Variants in ROBO2 observed in about 807,000 individuals in gnomAD.
ROBO2 encodes roundabout homolog 2.
Under a neutral mutation model 160.8 loss-of-function variants are expected in ROBO2, and 53 were observed. The ratio of observed to expected loss-of-function variants is 0.33; its 90% CI spans 0.26 to 0.41. ROBO2 has a LOEUF of 0.41. Ranked by LOEUF, ROBO2 falls within the 10% of genes least tolerant of loss-of-function variation. ROBO2 has a pLI of 1.00. For synonymous variants in ROBO2, 664 were observed against 611.7 expected, an observed-to-expected ratio of 1.09 and a Z score of -1.26; for missense variants, 1,577 against 1,722.4, an observed-to-expected ratio of 0.92 and a Z score of 1.49.
intron 2 of ROBO2, among the ~76,000 whole-genome samples, chr3:76,388,526 C>T (rs1394847389): frequency 6.6e-6 from 1 of 152,116 alleles, no homozygotes; most frequent in African/African-American, 2.4e-5. Context: ...CCACCTCAGC[C>T]TCTCAAAGTG....
intron 2 of ROBO2, among the ~76,000 whole-genome samples, chr3:76,922,753 G>C (rs981484476): frequency 8.5e-5 from 13 of 152,208 alleles, no homozygotes; most frequent in African/African-American, 3.1e-4. Context: ...CGATTGTGAT[G>C]GATTGGCTCT....
intron 2 of ROBO2, among the ~76,000 whole-genome samples, chr3:76,538,459 A>G (rs73129114): frequency 0.047 from 7,208 of 152,264 alleles, 200 homozygotes; most frequent in African/African-American, 0.076. Context: ...AATCATTTAC[A>G]TCTTGAAAGC....
intron 2 of ROBO2, among the ~76,000 whole-genome samples, chr3:77,289,612 G>T (rs1200610077): frequency 6.7e-6 from 1 of 149,734 alleles, no homozygotes; most frequent in East Asian, 2.0e-4. Context: ...TAAAATTGAC[G>T]GTTAAACGGG....
At chr3:76,330,794 A>G (rs2073425470) in intron 2 of ROBO2, among the ~76,000 whole-genome samples, 1 of 149,816 alleles carries the variant, frequency 6.7e-6, no homozygotes, top group African/African-American at 2.5e-5. Context: ...TTTGGGCTTA[A>G]TAAATGGTCC....
At chr3:76,370,896 T>G (rs1559837502) in intron 2 of ROBO2, among the ~76,000 whole-genome samples, 2 of 151,912 alleles carry the variant, frequency 1.3e-5, no homozygotes, top group Non-Finnish European at 2.9e-5. Flanking sequence ...CGGACTCATA[T>G]GTCATTTCCT....
intron 2 of ROBO2, among the ~76,000 whole-genome samples, chr3:76,642,680 T>A (rs1055813472): frequency 1.3e-5 from 2 of 152,060 alleles, no homozygotes; most frequent in African/African-American, 4.8e-5. Context: ...TGTTTTGACA[T>A]GCTGGGTACT....
chr3:77,520,529 T>C (rs2090487228), intron 5 of ROBO2, among the ~76,000 whole-genome samples: 1 of 151,254 alleles, frequency 6.6e-6, no homozygotes, highest in South Asian at 2.1e-4. Context: ...TATCTTTTAT[T>C]AACTTGGAAT....
intron 25 of ROBO2, 92 bp downstream of exon 27, chr3:77,644,996 G>T (rs2095397996): frequency 3.1e-6 from 4 of 1,306,648 alleles, no homozygotes; most frequent in Non-Finnish European, 4.4e-6. Flanking sequence ...CAGATTAATA[G>T]AAAACTTGCT....
At chr3:77,072,670 A>G (rs1322534449) in intron 1 of ROBO2, among the ~76,000 whole-genome samples, 1 of 152,200 alleles carries the variant, frequency 6.6e-6, no homozygotes, top group Non-Finnish European at 1.5e-5. Context: ...ACAATGGGAT[A>G]GTAACCTCCT....
At chr3:76,031,960 C>A (rs1278555191) in intron 2 of ROBO2, among the ~76,000 whole-genome samples, 1 of 151,962 alleles carries the variant, frequency 6.6e-6, no homozygotes, top group Non-Finnish European at 1.5e-5. Flanking sequence ...CTCTTTGTAC[C>A]TCTGGTAGAA....
intron 2 of ROBO2, among the ~76,000 whole-genome samples, chr3:76,446,403 G>C (rs1374448352): frequency 6.6e-6 from 1 of 152,122 alleles, no homozygotes; most frequent in African/African-American, 2.4e-5. Flanking sequence ...ACACAAACAA[G>C]TGGAAGAACA....
chr3:76,021,197 A>G (rs1559840243), intron 2 of ROBO2, among the ~76,000 whole-genome samples: 1 of 151,802 alleles, frequency 6.6e-6, no homozygotes, highest in African/African-American at 2.4e-5. Context: ...AGTCCAAAAT[A>G]TTGCCTAGAT....
intron 2 of ROBO2, among the ~76,000 whole-genome samples, chr3:76,448,832 A>G (rs939899170): frequency 2.6e-5 from 4 of 152,146 alleles, no homozygotes; most frequent in South Asian, 2.1e-4. Flanking sequence ...ACTTCAGGGT[A>G]AAGTACCCAC....
At chr3:76,977,945 G>A (rs991487321) in intron 2 of ROBO2, among the ~76,000 whole-genome samples, 1 of 152,098 alleles carries the variant, frequency 6.6e-6, no homozygotes, top group African/African-American at 2.4e-5. Context: ...TTTATACTTT[G>A]AAGTAATCCT....
chr3:76,720,226 C>T (rs572610139), intron 2 of ROBO2, among the ~76,000 whole-genome samples: 1 of 152,248 alleles, frequency 6.6e-6, no homozygotes, highest in South Asian at 2.1e-4. Context: ...AGCAGGCCCT[C>T]AGCAGACACT....
chr3:76,223,624 G>T (rs888276277), intron 2 of ROBO2, among the ~76,000 whole-genome samples: 4 of 152,086 alleles, frequency 2.6e-5, no homozygotes, highest in South Asian at 4.1e-4. Flanking sequence ...ATCCTTCAAG[G>T]CTGGGAGTAC....
chr3:75,993,764 A>G (rs2065640735), intron 2 of ROBO2, among the ~76,000 whole-genome samples: 1 of 152,192 alleles, frequency 6.6e-6, no homozygotes, highest in African/African-American at 2.4e-5. Context: ...GCACCTCATG[A>G]CAATGAGAAG....
intron 2 of ROBO2, among the ~76,000 whole-genome samples, chr3:76,428,781 C>G (rs1276905165): frequency 6.6e-6 from 1 of 152,080 alleles, no homozygotes; most frequent in Non-Finnish European, 1.5e-5. Context: ...TGAGTTGAGC[C>G]ACGCGAAAGT....
At position 77,444,742 on chromosome 3, in the gene ROBO2, A is replaced by G. The variant is rs560501324; in HGVS notation, c.389-32672A>G. ...AGGCAGAAAATACCGAAAAGAACAC[A>G]TCTGTTTATCCCAGGCTTTGGGAGT... On this transcript the variant is annotated intron_variant, in intron 2 of 25. Transcript: ENST00000461745. Among the ~76,000 whole-genome samples, 3 of 152,290 alleles carry G rather than the reference A, an allele frequency of 2.0e-5. No individual in the cohort carries two copies. The South Asian group carries it at 6.2e-4, about 32-fold the overall frequency.
Sources: allele counts gnomAD v4.1 joint callset (sites outside exome capture counted in the v4.1 genomes callset), GRCh38; gene constraint gnomAD v4.1.1; transcripts MANE v1.5; gene names NCBI Gene and HGNC (gene_info 2026-07-23, HGNC 2026-07-21).